Variants in URGCP observed in about 807,000 individuals in gnomAD.
URGCP encodes the protein up-regulator of cell proliferation.
A neutral mutation model predicts 24.6 loss-of-function variants in URGCP; 13 were observed. That is an observed-to-expected ratio of 0.53 (90% CI 0.34 to 0.84). The LOEUF (loss-of-function observed/expected upper bound fraction) is 0.84, where lower values mean the gene tolerates loss of function less well. Ranked by LOEUF, URGCP falls within the 40% of genes least tolerant of loss-of-function variation. The pLI, the probability that URGCP is intolerant of heterozygous loss-of-function variation, is 0.01. For missense variants in URGCP, 899 were observed against 1,194.3 expected, an observed-to-expected ratio of 0.75 and a Z score of 3.64; for synonymous variants, 444 against 487.2, an observed-to-expected ratio of 0.91 and a Z score of 1.17.
chr7:43,909,455 G>C (rs938315828), upstream of URGCP, among the ~76,000 whole-genome samples: 1 of 152,174 alleles, frequency 6.6e-6, no homozygotes, highest in Admixed American at 6.5e-5. Context: ...GGCCAGGTAC[G>C]GTGGCTCATG....
At position 43,878,103 on chromosome 7, in the gene URGCP, C is replaced by G. The variant is rs776774176; in HGVS notation, c.1360G>C (p.Ala454Pro). ...ACCTTTAGGCCCAGTTTGCGGGCTG[C>G]GTGCGCCATGTCCTCCACAGATACC... is the stretch of plus-strand genomic sequence containing the variant. ...RRVSVEDMAH[A>P]ARKLGLKVDE... Residue 454 changes from alanine (A) to proline (P), a missense_variant, in exon 6 of 6, where the codon GCA (alanine) becomes CCA (proline). By Grantham distance (27) the Ala-to-Pro change is conservative. Transcript: ENST00000453200. This position sits in a 1 kb window ranked among gnomAD's most constrained non-coding sequence, Gnocchi z 5.6. 5 of 1,614,252 alleles carry G rather than the reference C, an allele frequency of 3.1e-6. No homozygotes were observed. The highest frequency in any genetic ancestry group is 4.2e-6 in the Non-Finnish European group (5 of 1,180,050).
upstream of URGCP, among the ~76,000 whole-genome samples, chr7:43,908,212 G>A (rs2095906298): frequency 6.6e-6 from 1 of 152,096 alleles, no homozygotes; most frequent in Non-Finnish European, 1.5e-5. Flanking sequence ...CCAGTAGCTG[G>A]GACTACAGGC....
At chr7:43,889,956 G>A (rs2095868021) in intron 1 of URGCP, among the ~76,000 whole-genome samples, 1 of 151,220 alleles carries the variant, frequency 6.6e-6, no homozygotes, top group African/African-American at 2.4e-5. Flanking sequence ...CCAGGTTGGA[G>A]TGCAGTGGTG....
upstream of URGCP, among the ~76,000 whole-genome samples, chr7:43,910,186 G>A (rs758795721): frequency 1.1e-4 from 17 of 152,062 alleles, no homozygotes; most frequent in Non-Finnish European, 2.5e-4. Context: ...ACCAGCCTGG[G>A]CAACATGGTG....
intron 1 of URGCP, among the ~76,000 whole-genome samples, chr7:43,900,297 A>G (rs996262558): frequency 1.3e-5 from 2 of 151,278 alleles, no homozygotes; most frequent in Non-Finnish European, 2.9e-5. Flanking sequence ...TCTACTAAAA[A>G]TACAAAAATT....
intron 3 of URGCP, 21 bp downstream of exon 3, chr7:43,887,394 A>G (rs757554157): frequency 3.1e-6 from 5 of 1,613,234 alleles, no homozygotes; most frequent in Non-Finnish European, 4.2e-6. Flanking sequence ...GTGGGCCCAC[A>G]TCCAATTCAT....
chr7:43,919,335 G>A, intron 1 of URGCP: 1 of 837,878 alleles, frequency 1.2e-6, no homozygotes, highest in Non-Finnish European at 2.1e-6. Flanking sequence ...GAACCAGATT[G>A]CCACAGACCA....
At chr7:43,911,038 C>T (rs2095909519), upstream of URGCP, among the ~76,000 whole-genome samples, 1 of 152,046 alleles carries the variant, frequency 6.6e-6, no homozygotes, top group Admixed American at 6.5e-5. Flanking sequence ...CTTCAATACC[C>T]CACTTTCAAT....
Position 43,878,272 on chromosome 7 carries a change from G to A in URGCP, c.1191C>T (p.Asn397=). Residue 397 remains asparagine (N), a synonymous_variant, in exon 6 of 6, where the codon AAC becomes AAT. Coordinates refer to ENST00000453200, the MANE Select transcript of URGCP (RefSeq NM_001077663.3). The surrounding 1 kb of genome is among the most constrained non-coding windows in gnomAD (Gnocchi z 5.6). ...LSPYRGKRNT[N]LRFLNKLIPV... is the part of the protein sequence containing the mutation. ...GAATTAACTTATTCAGAAATCTCAG[G>A]TTTGTGTTGCGCTTCCCACGGTAGG... The A allele has an allele frequency of 6.2e-7, 1 of 1,614,192 alleles. No homozygotes were observed. The highest frequency in any genetic ancestry group is 8.5e-7 in the Non-Finnish European group (1 of 1,180,036).
chr7:43,891,093 AG>A (rs1327493968), intron 1 of URGCP, among the ~76,000 whole-genome samples: 2 of 152,218 alleles, frequency 1.3e-5, no homozygotes, highest in African/African-American at 4.8e-5. Flanking sequence ...ATTACCGACT[AG>A]GGGAAGTCAC....
intron 5 of URGCP, chr7:43,881,051 T>G: frequency 1.6e-6 from 1 of 627,544 alleles, no homozygotes; most frequent in Non-Finnish European, 2.8e-6. Context: ...ACAAAAGTAC[T>G]ATATGGGAAG....
chr7:43,906,368 C>A (rs931027958), intron 1 of URGCP, 194 bp downstream of exon 1: 3 of 350,124 alleles, frequency 8.6e-6, no homozygotes, highest in Non-Finnish European at 9.8e-6. Flanking sequence ...GCCCGCCCCC[C>A]ACGCCCGCGC....
Position 43,879,112 on chromosome 7 carries a change from A to G in URGCP, c.351T>C (p.Asn117=). Residue 117 remains asparagine (N), a synonymous_variant, in exon 6 of 6, where the codon AAT becomes AAC. Transcript: ENST00000453200. The part of the protein sequence containing the change: ...APQVPKDLPW[N]FLRKLQALNA... Reference sequence around the variant, plus strand: ...TGAGGGCCTGCAACTTCCTGAGGAAATTCCAGGGCAAGTCTTTGGGAACCT... The same window carrying G: ...TGAGGGCCTGCAACTTCCTGAGGAAGTTCCAGGGCAAGTCTTTGGGAACCT... The G allele has an allele frequency of 6.2e-7, 1 of 1,614,182 alleles. No individual in the cohort carries two copies. The highest frequency in any genetic ancestry group is 8.5e-7 in the Non-Finnish European group (1 of 1,180,034).
Position 43,879,039 on chromosome 7 carries a change from C to A in URGCP, c.424G>T (p.Ala142Ser). The change falls in exon 6 of 6, where the codon GCC (alanine) becomes TCC (serine). Residue 142 changes from alanine to serine, a missense_variant. By Grantham distance (99) the Ala-to-Ser change is moderately conservative. Transcript: ENST00000453200. ...TGGCTCTCCTTCTCCACAGGCCTGG[C>A]GTCTGGGAGCACGTCCAGCACCATA... ...TTMVLDVLPD[A>S]RPVEKESQME... The A allele has an allele frequency of 1.9e-6, 3 of 1,614,188 alleles. No individual in the cohort carries two copies. Among genetic ancestry groups the A allele is most frequent in the Non-Finnish European group, 2.5e-6 (3 of 1,180,028 alleles).
rs533391750 is a variant in URGCP, at chr7:43,876,335, T to C, written c.*332A>G. On this transcript the variant is annotated 3_prime_UTR_variant, in exon 6 of 6. Coordinates refer to ENST00000453200, the MANE Select transcript of URGCP (RefSeq NM_001077663.3). Reference sequence around the variant, plus strand: ...CTGGGCCTGCAGTGACTAAGGACGCTGCTCCCACTCCAGGGGCCAGTGACA... The same window carrying C: ...CTGGGCCTGCAGTGACTAAGGACGCCGCTCCCACTCCAGGGGCCAGTGACA... The C allele has an allele frequency of 8.1e-4, 231 of 284,028 alleles. No homozygotes were observed. Among genetic ancestry groups the C allele is most frequent in the African/African-American group, 4.7e-3 (217 of 45,776 alleles). 17.6% of individuals were successfully genotyped at this position (284,028 alleles called of 1,614,324 possible).
At chr7:43,888,770 G>A (rs2095865998) in intron 1 of URGCP, 1 of 152,156 alleles carries the variant, frequency 6.6e-6, no homozygotes, top group Admixed American at 6.6e-5. Flanking sequence ...GTGTGTATAC[G>A]AGTGTACACA....
At chr7:43,907,877 T>A (rs2095905896), upstream of URGCP, among the ~76,000 whole-genome samples, 1 of 152,198 alleles carries the variant, frequency 6.6e-6, no homozygotes, top group Admixed American at 6.5e-5. Flanking sequence ...GGTAAAGAAA[T>A]TCATAACTGC....
At chr7:43,913,719 G>C (rs2095912643) in intron 1 of URGCP, among the ~76,000 whole-genome samples, 1 of 151,790 alleles carries the variant, frequency 6.6e-6, no homozygotes, top group Admixed American at 6.6e-5. Flanking sequence ...TTATTTTTGA[G>C]ATGGAATCTC....
At chr7:43,883,362 A>ATATATT (rs1554289259) in intron 3 of URGCP, among the ~76,000 whole-genome samples, 28 of 88,286 alleles carry the variant, frequency 3.2e-4, no homozygotes, top group South Asian at 7.2e-4. Flanking sequence ...ATATATATAT[A>ATATATT]TTTTTTTTTT....
Sources: allele counts gnomAD v4.1 joint callset (sites outside exome capture counted in the v4.1 genomes callset), GRCh38; gene constraint gnomAD v4.1.1; non-coding constraint Gnocchi (gnomAD v3.1); transcripts MANE v1.5; gene names NCBI Gene and HGNC (gene_info 2026-07-23, HGNC 2026-07-21).